Variants in MUCL3 observed in about 807,000 individuals in gnomAD.
The protein encoded by MUCL3 is mucin like 3.
Under a neutral mutation model 70.2 loss-of-function variants are expected in MUCL3, and 42 were observed. That is an observed-to-expected ratio of 0.60 (90% CI 0.47 to 0.77). MUCL3 has a LOEUF of 0.77. Among genes scored for constraint, MUCL3 ranks in the 30% least tolerant of loss-of-function variants. The pLI is 0.00. For synonymous variants in MUCL3, 522 were observed against 647.0 expected, an observed-to-expected ratio of 0.81 and a Z score of 2.93; for missense variants, 1,429 against 1,670.0, an observed-to-expected ratio of 0.86 and a Z score of 2.52.
rs1760759557 is a variant in MUCL3, at chr6:30,952,431, T to G, written c.3967T>G (p.Trp1323Gly). 2 of 1,613,410 alleles carry G rather than the reference T, an allele frequency of 1.2e-6. No individual in the cohort carries two copies. The highest frequency in any genetic ancestry group is 1.7e-6 in the Non-Finnish European group (2 of 1,179,846). Residue 1323 changes from tryptophan (W) to glycine (G), a missense_variant, in exon 2 of 3, where the codon TGG becomes GGG. Coordinates refer to ENST00000462446, the MANE Select transcript of MUCL3 (RefSeq NM_080870.4). The stretch of plus-strand genomic sequence containing the variant: ...GGGAGAGAATGATTCATTCCCTGCA[T>G]GGGCCATAGTTATTGTGGTCCTGGT... ...QMGENDSFPAWAIVIVVLVAV... is the reference protein window; with the variant it reads ...QMGENDSFPAGAIVIVVLVAV...
intron 1 of MUCL3, among the ~76,000 whole-genome samples, chr6:30,948,090 G>C (rs1760393304): frequency 6.6e-6 from 1 of 152,204 alleles, no homozygotes; most frequent in African/African-American, 2.4e-5. Context: ...GACCCTAAAG[G>C]GGCACCTGCA....
Position 30,950,663 on chromosome 6 carries a change from C to T in MUCL3, c.2199C>T (p.Thr733=). The T allele has an allele frequency of 6.5e-7, 1 of 1,546,486 alleles. No homozygotes were observed. Residue 733 remains threonine, a synonymous_variant, in exon 2 of 3, where the codon ACC becomes ACT. Transcript: ENST00000462446. Reference sequence around the variant, plus strand: ...GAGAAAGGACAGCCAATGAGAAGACCACACCATTCCCAGCAGAGCCTACAG... The same window carrying T: ...GAGAAAGGACAGCCAATGAGAAGACTACACCATTCCCAGCAGAGCCTACAG... ...ENRERTANEK[T]TPFPAEPTEN...
Position 30,952,996 on chromosome 6 carries a change from G to A in MUCL3, c.4061G>A (p.Arg1354His), listed in dbSNP as rs769541066. The A allele has an allele frequency of 1.7e-5, 27 of 1,614,050 alleles. No homozygotes were observed. In the East Asian group the frequency reaches 3.1e-4, roughly 19 times the overall value. Reference sequence around the variant, plus strand: ...GTCTCCTATATGATGCGGACACGCCGCACACTAACCCAGAACACCCAGTAC... The same window carrying A: ...GTCTCCTATATGATGCGGACACGCCACACACTAACCCAGAACACCCAGTAC... ...FLVSYMMRTRRTLTQNTQYND... is the reference protein window; with the variant it reads ...FLVSYMMRTRHTLTQNTQYND... The change falls in exon 3 of 3, where the codon CGC becomes CAC. Residue 1354 changes from arginine to histidine, a missense_variant. Physicochemically the swap from Arg to His is conservative, Grantham distance 29. Transcript: ENST00000462446.
At chr6:30,941,889 A>T (rs1000221734) in intron 1 of MUCL3, among the ~76,000 whole-genome samples, 3 of 152,102 alleles carry the variant, frequency 2.0e-5, no homozygotes, top group Non-Finnish European at 4.4e-5. Flanking sequence ...CAGGGATTCC[A>T]GCTCCACTGC....
At chr6:30,942,532 G>A (rs983037062) in intron 1 of MUCL3, among the ~76,000 whole-genome samples, 3 of 152,166 alleles carry the variant, frequency 2.0e-5, no homozygotes, top group Non-Finnish European at 4.4e-5. Flanking sequence ...GGTGGGTGGT[G>A]AATGGCGATG....
Position 30,951,317 on chromosome 6 carries a change from T to C in MUCL3, c.2853T>C (p.Asn951=), listed in dbSNP as rs1192389627. 3.2e-6 allele frequency: 5 copies of C among 1,544,290 alleles called. No homozygotes were observed. The highest frequency in any genetic ancestry group is 2.9e-5 in the African/African-American group (2 of 69,952). Residue 951 remains asparagine (N), a synonymous_variant, in exon 2 of 3, where the codon AAT becomes AAC. Transcript: ENST00000462446. The part of the protein sequence containing the change: ...EPTEHGERIA[N]EKATPSPAKP... ...CAGAACATGGAGAAAGGATAGCCAATGAGAAGGCCACACCATCCCCAGCAA... is the reference window on the plus strand; with the variant it reads ...CAGAACATGGAGAAAGGATAGCCAACGAGAAGGCCACACCATCCCCAGCAA...
chr6:30,942,151 C>T (rs920277456), intron 1 of MUCL3, among the ~76,000 whole-genome samples: 5 of 152,196 alleles, frequency 3.3e-5, no homozygotes, highest in African/African-American at 9.7e-5. Context: ...GAAAAGTGTG[C>T]GTCAAAGGCT....
rs1486467035 is a variant in MUCL3 at position 30,949,175 on chromosome 6, C to T, written c.711C>T (p.Tyr237=). 3.9e-6 allele frequency: 6 copies of T among 1,551,474 alleles called. No individual in the cohort carries two copies. Among genetic ancestry groups the T allele is most frequent in the Non-Finnish European group, 5.2e-6 (6 of 1,146,984 alleles). The change falls in exon 2 of 3, where the codon TAC becomes TAT. Residue 237 remains tyrosine, a synonymous_variant. Coordinates refer to ENST00000462446, the MANE Select transcript of MUCL3 (RefSeq NM_080870.4). ...EKITAASKTT[Y]KTTGTPEESE... is the part of the protein sequence containing the mutation. ...TCACAGCAGCCTCAAAAACAACATA[C>T]AAGACCACAGGAACCCCAGAAGAGT...
At chr6:30,942,732 T>G (rs2150602850) in intron 1 of MUCL3, among the ~76,000 whole-genome samples, 1 of 152,228 alleles carries the variant, frequency 6.6e-6, no homozygotes, top group South Asian at 2.1e-4. Context: ...CTGGCTGCTC[T>G]CTCCTCCTTC....
chr6:30,951,087 T>C lies in MUCL3; in HGVS notation c.2623T>C (p.Ser875Pro). 2 of 1,545,468 alleles carry C rather than the reference T, an allele frequency of 1.3e-6. No homozygotes were observed. Among genetic ancestry groups the C allele is most frequent in the South Asian group, 1.2e-5 (1 of 83,854 alleles). The stretch of plus-strand genomic sequence containing the variant: ...GACAGCCAATGAGAACACCACACTA[T>C]CCCCAGCAGAGCCTACAGAACATGA... Reference protein sequence around the residue: ...EWTANENTTLSPAEPTEHEEM... With the variant: ...EWTANENTTLPPAEPTEHEEM... Residue 875 changes from serine to proline, a missense_variant, in exon 2 of 3, where the codon TCC becomes CCC. Physicochemically the swap from Ser to Pro is moderately conservative, Grantham distance 74. Transcript: ENST00000462446.
chr6:30,950,660 G>A lies in MUCL3; in HGVS notation c.2196G>A (p.Lys732=), dbSNP rs768039802. 6.6e-7 allele frequency: 1 copy of A among 1,522,682 alleles called. No homozygotes were observed. Among genetic ancestry groups the A allele is most frequent in the Non-Finnish European group, 8.8e-7 (1 of 1,130,490 alleles). 94.3% of individuals were successfully genotyped at this position (1,522,682 alleles called of 1,614,324 possible). A position where few individuals can be genotyped will look rare whatever the true frequency, so the allele number is the denominator to read the frequency against. ...ATAGAGAAAGGACAGCCAATGAGAAGACCACACCATTCCCAGCAGAGCCTA... is the reference window on the plus strand; with the variant it reads ...ATAGAGAAAGGACAGCCAATGAGAAAACCACACCATTCCCAGCAGAGCCTA... The part of the protein sequence containing the change: ...TENRERTANE[K]TTPFPAEPTE... Residue 732 remains lysine (K), a synonymous_variant, in exon 2 of 3, where the codon AAG becomes AAA. Coordinates refer to ENST00000462446, the MANE Select transcript of MUCL3 (RefSeq NM_080870.4).
At chr6:30,941,173 C>T (rs1051498889) in intron 1 of MUCL3, 92 bp downstream of exon 1, 7 of 1,439,832 alleles carry the variant, frequency 4.9e-6, no homozygotes, top group South Asian at 1.3e-5. Flanking sequence ...ATGAAGGGGG[C>T]GGGCACGGGG....
At position 30,949,708 on chromosome 6, in the gene MUCL3, C is replaced by T. The variant is rs1356799594; in HGVS notation, c.1244C>T (p.Ser415Leu). Residue 415 changes from serine (S) to leucine (L), a missense_variant, in exon 2 of 3, where the codon TCA becomes TTA. Physicochemically the swap from Ser to Leu is moderately radical, Grantham distance 145 (BLOSUM62 -2). Transcript: ENST00000462446. ...RTPFANDKTT[S>L]SSAESTEHGE... ...CCATTTGCCAATGACAAAACCACAT[C>T]ATCCTCAGCAGAGTCTACAGAACAT... The T allele has an allele frequency of 3.2e-6, 5 of 1,548,622 alleles. No homozygotes were observed. Among genetic ancestry groups the T allele is most frequent in the Non-Finnish European group, 4.4e-6 (5 of 1,145,912 alleles).
chr6:30,948,665 AG>A lies in MUCL3; in HGVS notation c.203del (p.Gly68AspfsTer39). The A allele has an allele frequency of 2.6e-6, 4 of 1,551,718 alleles. 1 individual carries two copies. The South Asian group carries it at 4.8e-5, about 18-fold the overall frequency. On this transcript the variant is annotated frameshift_variant, in exon 2 of 3. Coordinates refer to ENST00000462446, the MANE Select transcript of MUCL3 (RefSeq NM_080870.4). LOFTEE classifies it high-confidence loss of function. ...IPFDHIVLHS[G>X]QRPPELPKST... The stretch of plus-strand genomic sequence containing the variant: ...CTTTTGATCACATTGTTCTGCATTC[AG>A]GACAAAGACCTCCAGAGCTCCCTAA...
rs1338133519 is a variant in MUCL3, at chr6:30,951,651, A to C, written c.3187A>C (p.Thr1063Pro). 2 of 1,551,602 alleles carry C rather than the reference A, an allele frequency of 1.3e-6. No homozygotes were observed. The highest frequency in any genetic ancestry group is 1.7e-6 in the Non-Finnish European group (2 of 1,146,556). Residue 1063 changes from threonine to proline, a missense_variant, in exon 2 of 3, where the codon ACA becomes CCA. Transcript: ENST00000462446. ...ENTTPSPVKP[T>P]EHGEKTTLAN... The stretch of plus-strand genomic sequence containing the variant: ...CACCACACCATCCCCAGTAAAGCCT[A>C]CAGAACATGGAGAAAAGACTACATT...
At position 30,948,810 on chromosome 6, in the gene MUCL3, G is replaced by A. The variant is rs1464923621; in HGVS notation, c.346G>A (p.Glu116Lys). The A allele has an allele frequency of 2.6e-6, 4 of 1,551,468 alleles. No homozygotes were observed. The highest frequency in any genetic ancestry group is 2.6e-6 in the Non-Finnish European group (3 of 1,146,986). ...CCACAAAAGCTCTACAGATAATCAT[G>A]AGGCTCCTCCCACTTCTGAAGAAAA... is the stretch of plus-strand genomic sequence containing the variant. ...IDHKSSTDNH[E>K]APPTSEENSS... Residue 116 changes from glutamate to lysine, a missense_variant, in exon 2 of 3, where the codon GAG becomes AAG. Glu to Lys is a moderately conservative substitution (Grantham distance 56). Coordinates refer to ENST00000462446, the MANE Select transcript of MUCL3 (RefSeq NM_080870.4).
chr6:30,952,128 A>T lies in MUCL3; in HGVS notation c.3664A>T (p.Ile1222Leu), dbSNP rs371020510. Reference sequence around the variant, plus strand: ...GAACACCACACTGACCACTGAGACCATAAAAGCCCCAGTAAAGTCCACAGA... The same window carrying T: ...GAACACCACACTGACCACTGAGACCTTAAAAGCCCCAGTAAAGTCCACAGA... ...LGNTTLTTETIKAPVKSTENP... is the reference protein window; with the variant it reads ...LGNTTLTTETLKAPVKSTENP... Residue 1222 changes from isoleucine to leucine, a missense_variant, in exon 2 of 3, where the codon ATA becomes TTA. By Grantham distance (5) the Ile-to-Leu change is conservative (BLOSUM62 2). Coordinates refer to ENST00000462446, the MANE Select transcript of MUCL3 (RefSeq NM_080870.4). 6.2e-7 allele frequency: 1 copy of T among 1,613,050 alleles called. No homozygotes were observed. Among genetic ancestry groups the T allele is most frequent in the Non-Finnish European group, 8.5e-7 (1 of 1,179,764 alleles).
chr6:30,949,444 G>A lies in MUCL3; in HGVS notation c.980G>A (p.Arg327Lys). 6.6e-7 allele frequency: 1 copy of A among 1,509,570 alleles called. No individual in the cohort carries two copies. Among genetic ancestry groups the A allele is most frequent in the Non-Finnish European group, 8.9e-7 (1 of 1,121,504 alleles). The allele number at this position is 1,509,570 out of a possible 1,614,324, so 93.5% of individuals were successfully genotyped here. The change falls in exon 2 of 3, where the codon AGA (arginine) becomes AAA (lysine). Residue 327 changes from arginine (R) to lysine (K), a missense_variant. Transcript: ENST00000462446. Reference sequence around the variant, plus strand: ...TCCCCAGCAGAGCCTATAGAAAATAGAGAAAGGACAGCCAATGAGAACACC... The same window carrying A: ...TCCCCAGCAGAGCCTATAGAAAATAAAGAAAGGACAGCCAATGAGAACACC... ...TLSPAEPIEN[R>K]ERTANENTAP...
At position 30,949,931 on chromosome 6, in the gene MUCL3, G is replaced by A. The variant is rs1385028085; in HGVS notation, c.1467G>A (p.Glu489=). The change falls in exon 2 of 3, where the codon GAG becomes GAA. Residue 489 remains glutamate (E), a synonymous_variant. Coordinates refer to ENST00000462446, the MANE Select transcript of MUCL3 (RefSeq NM_080870.4). ...AAAATAGAGAAACAACAGCCAATGA[G>A]AAGACCACACCATCCCCAGCAGAGC... ...PTENRETTAN[E]KTTPSPAEPT... 5 of 1,549,258 alleles carry A rather than the reference G, an allele frequency of 3.2e-6. No homozygotes were observed. The highest frequency in any genetic ancestry group is 2.4e-5 in the East Asian group (1 of 40,822).
Sources: allele counts gnomAD v4.1 joint callset (sites outside exome capture counted in the v4.1 genomes callset), GRCh38; gene constraint gnomAD v4.1.1; transcripts MANE v1.5; gene names NCBI Gene and HGNC (gene_info 2026-07-23, HGNC 2026-07-21).